The following TFAP2D variants were observed in gnomAD, a reference collection of about 807,000 sequenced individuals.
TFAP2D encodes transcription factor AP-2 delta.
In TFAP2D, 9 loss-of-function variants were observed where a neutral mutation model predicts 43.6. The ratio of observed to expected loss-of-function variants is 0.21; its 90% CI spans 0.12 to 0.36. The LOEUF is 0.36. Among genes scored for constraint, TFAP2D ranks in the 10% least tolerant of loss-of-function variants. The pLI, the probability that TFAP2D is intolerant of heterozygous loss-of-function variation, is 1.00. For synonymous variants in TFAP2D, 256 were observed against 224.9 expected (o/e 1.14, Z -1.24); for missense variants, 513 against 561.4 (o/e 0.91, Z 0.87).
chr6:50,752,013 A>G (rs937792372), intron 7 of TFAP2D, among the ~76,000 whole-genome samples: 23 of 152,044 alleles, frequency 1.5e-4, no homozygotes, highest in African/African-American at 5.5e-4. Flanking sequence ...TGGTGACACA[A>G]TTGTTTAATG....
chr6:50,736,966 T>C (rs970646961), intron 5 of TFAP2D, among the ~76,000 whole-genome samples: 1 of 152,174 alleles, frequency 6.6e-6, no homozygotes, highest in South Asian at 2.1e-4. Context: ...GCTTTATTCC[T>C]TTTTTTGTTT....
chr6:50,716,457 G>C (rs1403353629), intron 2 of TFAP2D, among the ~76,000 whole-genome samples: 2 of 129,016 alleles, frequency 1.6e-5, no homozygotes, highest in Non-Finnish European at 3.5e-5. Context: ...GAAGGAAGGA[G>C]AAAAGGAAGG....
chr6:50,745,294 T>C (rs1486091375), intron 6 of TFAP2D, 46 bp downstream of exon 6: 2 of 1,599,142 alleles, frequency 1.3e-6, no homozygotes, highest in Admixed American at 3.6e-5. Context: ...CTTCAGTATT[T>C]TTTTTTCATT....
At position 50,714,054 on chromosome 6, in the gene TFAP2D, A is replaced by G. The variant is rs761484812; in HGVS notation, c.-2A>G. On this transcript the variant is annotated 5_prime_UTR_variant, in exon 1 of 8. Transcript: ENST00000008391. ...CATCGTAAGCTTTCGGAGAAACCCA[A>G]CATGTCAACTACCTTTCCGGGACTA... is the stretch of plus-strand genomic sequence containing the variant. 7.4e-6 allele frequency: 12 copies of G among 1,612,626 alleles called. No individual in the cohort carries two copies. Among genetic ancestry groups the G allele is most frequent in the South Asian group, 1.1e-5 (1 of 90,824 alleles).
At chr6:50,732,631 A>G (rs1768909823) in intron 5 of TFAP2D, among the ~76,000 whole-genome samples, 1 of 152,064 alleles carries the variant, frequency 6.6e-6, no homozygotes, top group Non-Finnish European at 1.5e-5. Flanking sequence ...TGATATTTTC[A>G]TAGACTACCA....
rs1768796369 is a variant in TFAP2D, at chr6:50,725,597, G to A, written c.599-3259G>A. ...TGACATGCAACACAAGCACCATGAGGAAGTTCAAGTAGTAACACTGGGGAT... is the reference window on the plus strand; with the variant it reads ...TGACATGCAACACAAGCACCATGAGAAAGTTCAAGTAGTAACACTGGGGAT... On this transcript the variant is annotated intron_variant, in intron 3 of 7. Coordinates refer to ENST00000008391, the MANE Select transcript of TFAP2D (RefSeq NM_172238.4). Among the ~76,000 whole-genome samples, 3 of 152,158 alleles carry A rather than the reference G, an allele frequency of 2.0e-5. No individual in the cohort carries two copies. In the South Asian group the frequency reaches 6.2e-4, roughly 32 times the overall value.
intron 7 of TFAP2D, among the ~76,000 whole-genome samples, chr6:50,754,604 C>A (rs1209911333): frequency 6.6e-6 from 1 of 151,868 alleles, no homozygotes; most frequent in Non-Finnish European, 1.5e-5. Context: ...AGCAGCTATA[C>A]CATTTTACAT....
chr6:50,727,663 T>A (rs1768828235), intron 3 of TFAP2D, among the ~76,000 whole-genome samples: 1 of 152,208 alleles, frequency 6.6e-6, no homozygotes, highest in East Asian at 1.9e-4. Context: ...TAAAACCTCT[T>A]TTCTCTCATA....
chr6:50,758,777 A>G (rs1487086242), intron 7 of TFAP2D, among the ~76,000 whole-genome samples: 1 of 152,032 alleles, frequency 6.6e-6, no homozygotes, highest in Non-Finnish European at 1.5e-5. Flanking sequence ...TTCACCAAGC[A>G]TTCTTTAGTG....
Position 50,745,134 on chromosome 6 carries a change from T to A in TFAP2D, c.911T>A (p.Phe304Tyr). The A allele has an allele frequency of 1.2e-6, 2 of 1,613,656 alleles. No homozygotes were observed. Among genetic ancestry groups the A allele is most frequent in the Non-Finnish European group, 1.7e-6 (2 of 1,179,780 alleles). The part of the protein sequence containing the change: ...EGEALHLARD[F>Y]GYTCETEFPA... ...GAGGCTTTGCACTTGGCTCGGGATT[T>A]TGGCTACACTTGTGAAACAGAGTTT... Residue 304 changes from phenylalanine to tyrosine, a missense_variant, in exon 6 of 8, where the codon TTT becomes TAT. Physicochemically the swap from Phe to Tyr is conservative, Grantham distance 22 (BLOSUM62 3). Transcript: ENST00000008391.
chr6:50,716,470 G>GGAAA (rs1454971313), intron 2 of TFAP2D, among the ~76,000 whole-genome samples: 1 of 151,802 alleles, frequency 6.6e-6, no homozygotes, highest in Non-Finnish European at 1.5e-5. Context: ...AAGGAAGGAA[G>GGAAA]GAAGGGAGAA....
At chr6:50,716,147 C>A (rs1768624520) in intron 2 of TFAP2D, among the ~76,000 whole-genome samples, 1 of 151,962 alleles carries the variant, frequency 6.6e-6, no homozygotes, top group Non-Finnish European at 1.5e-5. Context: ...TTGTTGGGAC[C>A]CTAAGCTTGA....
chr6:50,721,999 C>A (rs571762987), intron 3 of TFAP2D, among the ~76,000 whole-genome samples: 1 of 152,316 alleles, frequency 6.6e-6, no homozygotes, highest in East Asian at 1.9e-4. Flanking sequence ...AGTTGTTCTT[C>A]ACATTTGGTG....
chr6:50,757,376 C>G (rs1475442705), intron 7 of TFAP2D, among the ~76,000 whole-genome samples: 1 of 131,174 alleles, frequency 7.6e-6, no homozygotes, highest in African/African-American at 2.8e-5. Context: ...ATATAGAATA[C>G]ATGTAATTAT....
chr6:50,761,598 A>C (rs1390246629), intron 7 of TFAP2D, among the ~76,000 whole-genome samples: 1 of 152,044 alleles, frequency 6.6e-6, no homozygotes, highest in East Asian at 1.9e-4. Flanking sequence ...AATTCAGGAG[A>C]GGATTCCATA....
At chr6:50,752,653 C>T (rs1031543236) in intron 7 of TFAP2D, among the ~76,000 whole-genome samples, 1 of 151,818 alleles carries the variant, frequency 6.6e-6, no homozygotes, top group African/African-American at 2.4e-5. Flanking sequence ...AATAGACACA[C>T]ATCTCTGAAG....
At chr6:50,767,924 A>T (rs1769466833) in intron 7 of TFAP2D, among the ~76,000 whole-genome samples, 1 of 152,212 alleles carries the variant, frequency 6.6e-6, no homozygotes, top group Admixed American at 6.5e-5. Context: ...AACACAATGC[A>T]AGTTGTCTCC....
intron 7 of TFAP2D, among the ~76,000 whole-genome samples, chr6:50,768,321 T>C (rs1769474572): frequency 6.8e-6 from 1 of 146,664 alleles, no homozygotes; most frequent in African/African-American, 2.5e-5. Flanking sequence ...TCTCCTTTTC[T>C]TTTTTCTCTC....
chr6:50,772,082 G>A (rs1396433692), intron 7 of TFAP2D, among the ~76,000 whole-genome samples: 1 of 152,146 alleles, frequency 6.6e-6, no homozygotes, highest in Non-Finnish European at 1.5e-5. Flanking sequence ...ATGAGTTCAT[G>A]TCCTTTCTAG....
Sources: allele counts gnomAD v4.1 joint callset (sites outside exome capture counted in the v4.1 genomes callset), GRCh38; gene constraint gnomAD v4.1.1; transcripts MANE v1.5; gene names NCBI Gene and HGNC (gene_info 2026-07-23, HGNC 2026-07-21).